RERG: variants seen among roughly 807,000 people sequenced by gnomAD.
RERG encodes RAS like estrogen regulated growth inhibitor.
Under a neutral mutation model 23.2 loss-of-function variants are expected in RERG, and 25 were observed. The ratio of observed to expected loss-of-function variants is 1.08; its 90% CI spans 0.79 to 1.50. The LOEUF (loss-of-function observed/expected upper bound fraction) is 1.50. RERG is among the 40% of genes most tolerant of loss of function. The pLI is 0.00. For missense variants in RERG, 253 were observed against 250.1 expected, an observed-to-expected ratio of 1.01 and a Z score of -0.08; for synonymous variants, 81 against 89.1, an observed-to-expected ratio of 0.91 and a Z score of 0.51.
intron 2 of RERG, among the ~76,000 whole-genome samples, chr12:15,213,821 T>C (rs1036151945): frequency 2.0e-5 from 3 of 152,260 alleles, no homozygotes; most frequent in African/African-American, 7.2e-5. Context: ...ATCTGCCACA[T>C]ACCAGAAGCA....
chr12:15,155,784 A>T (rs901525434), intron 2 of RERG, among the ~76,000 whole-genome samples: 6 of 152,118 alleles, frequency 3.9e-5, no homozygotes, highest in Admixed American at 3.9e-4. Context: ...GCTACCATGA[A>T]GTTTATATTA....
intron 2 of RERG, among the ~76,000 whole-genome samples, chr12:15,202,062 T>C (rs1281098962): frequency 6.6e-6 from 1 of 151,834 alleles, no homozygotes; most frequent in Non-Finnish European, 1.5e-5. Flanking sequence ...CCTATCCCGT[T>C]CTTTCATTAC....
chr12:15,215,424 A>C (rs1367227056), intron 2 of RERG, among the ~76,000 whole-genome samples: 1 of 152,186 alleles, frequency 6.6e-6, no homozygotes, highest in Non-Finnish European at 1.5e-5. Context: ...GCAAAGCCAA[A>C]GAGTGTGATG....
chr12:15,173,451 G>A (rs544535396), intron 2 of RERG, among the ~76,000 whole-genome samples: 1 of 151,944 alleles, frequency 6.6e-6, no homozygotes, highest in South Asian at 2.1e-4. Flanking sequence ...CCTATTCTGG[G>A]TCTATTGCAT....
intron 2 of RERG, among the ~76,000 whole-genome samples, chr12:15,135,145 T>A (rs4575328): frequency 6.6e-6 from 1 of 151,984 alleles, no homozygotes; most frequent in Non-Finnish European, 1.5e-5. Context: ...GTCTCGCACA[T>A]ATTGTTAGAT....
intron 2 of RERG, among the ~76,000 whole-genome samples, chr12:15,148,184 A>T (rs1426221278): frequency 1.3e-5 from 2 of 152,208 alleles, no homozygotes; most frequent in Non-Finnish European, 2.9e-5. Context: ...CCAGAGAGAG[A>T]AAACATCCAA....
rs937938936 is a variant in RERG at position 15,108,465 on chromosome 12, A to G, written c.*645T>C. 1 of 152,628 alleles carries G rather than the reference A, an allele frequency of 6.6e-6. No homozygotes were observed. Among genetic ancestry groups the G allele is most frequent in the African/African-American group, 2.4e-5 (1 of 41,460 alleles). 9.5% of individuals were successfully genotyped at this position (152,628 alleles called of 1,614,324 possible). On this transcript the variant is annotated 3_prime_UTR_variant, in exon 5 of 5. Coordinates refer to ENST00000256953, the MANE Select transcript of RERG (RefSeq NM_032918.3). ...TTTGTTATAGGGAAAATATTGTTTGAGCCAAGGAAGGAGAGTTAGGGTGTA... is the reference window on the plus strand; with the variant it reads ...TTTGTTATAGGGAAAATATTGTTTGGGCCAAGGAAGGAGAGTTAGGGTGTA...
Position 15,109,453 on chromosome 12 carries a change from A to G in RERG, c.257T>C (p.Ile86Thr), listed in dbSNP as rs1565503342. Residue 86 changes from isoleucine (I) to threonine (T), a missense_variant, in exon 5 of 5, where the codon ATT (isoleucine) becomes ACT (threonine). Physicochemically the swap from Ile to Thr is moderately conservative, Grantham distance 89. Coordinates refer to ENST00000256953, the MANE Select transcript of RERG (RefSeq NM_032918.3). ...WGEGFVLVYD[I>T]TDRGSFEEVL... Reference sequence around the variant, plus strand: ...TTCCTCAAAACTTCCTCGGTCAGTAATGTCGTAGACCAGCACAAAGCCTTC... The same window carrying G: ...TTCCTCAAAACTTCCTCGGTCAGTAGTGTCGTAGACCAGCACAAAGCCTTC... 2 of 1,613,974 alleles carry G rather than the reference A, an allele frequency of 1.2e-6. No homozygotes were observed. Among genetic ancestry groups the G allele is most frequent in the Non-Finnish European group, 1.7e-6 (2 of 1,179,934 alleles).
At chr12:15,128,980 C>T (rs1173779622) in intron 2 of RERG, among the ~76,000 whole-genome samples, 1 of 152,178 alleles carries the variant, frequency 6.6e-6, no homozygotes, top group African/African-American at 2.4e-5. Context: ...TTACAGCAGT[C>T]CTTACTCTCT....
At chr12:15,110,463 CTTTTTTTTTTTTTTTT>C (rs869218147) in intron 4 of RERG, among the ~76,000 whole-genome samples, 5 of 73,082 alleles carry the variant, frequency 6.8e-5, no homozygotes, top group African/African-American at 1.2e-4. Context: ...CCATTTTTTT[CTTTTTTTTTTTTTTTT>C]TTTTTTTTTT....
intron 2 of RERG, among the ~76,000 whole-genome samples, chr12:15,211,284 TACACACACACACACACACACACACACAC>T (rs56263472): frequency 7.0e-6 from 1 of 142,776 alleles, no homozygotes; most frequent in Non-Finnish European, 1.5e-5. Context: ...TGTCATTTTA[TACACACACACACACACACACACACACAC>T]ACACACACAC....
At chr12:15,113,866 C>T (rs1411651034) in intron 3 of RERG, among the ~76,000 whole-genome samples, 2 of 151,820 alleles carry the variant, frequency 1.3e-5, no homozygotes, top group Admixed American at 1.3e-4. Flanking sequence ...TTGAGACGCT[C>T]AAGAAACTTA....
At chr12:15,156,947 T>C (rs899966214) in intron 2 of RERG, among the ~76,000 whole-genome samples, 1 of 152,162 alleles carries the variant, frequency 6.6e-6, no homozygotes, top group African/African-American at 2.4e-5. Context: ...AACGAGGTAA[T>C]ACATGATAAC....
chr12:15,161,139 A>AAAGAAAG (rs1359539210), intron 2 of RERG, among the ~76,000 whole-genome samples: 14 of 32,976 alleles, frequency 4.2e-4, no homozygotes, highest in Non-Finnish European at 1.2e-4. Flanking sequence ...CATCTCAGAA[A>AAAGAAAG]AAGAAAGAAA....
intron 2 of RERG, among the ~76,000 whole-genome samples, chr12:15,153,821 G>A (rs554209341): frequency 6.6e-6 from 1 of 152,248 alleles, no homozygotes; most frequent in Admixed American, 6.5e-5. Flanking sequence ...TAGTATCTGT[G>A]AATGTGACCT....
intron 2 of RERG, among the ~76,000 whole-genome samples, chr12:15,164,407 T>C (rs2136116427): frequency 6.6e-6 from 1 of 152,338 alleles, no homozygotes; most frequent in South Asian, 2.1e-4. Flanking sequence ...TGACAGCCTG[T>C]GAAGCTCATT....
chr12:15,195,551 C>CTGTGTGTGTGTGTGTGTG (rs71042238), intron 2 of RERG, among the ~76,000 whole-genome samples: 5 of 128,226 alleles, frequency 3.9e-5, no homozygotes, highest in African/African-American at 1.5e-4. Context: ...GCAAGCTTGG[C>CTGTGTGTGTGTGTGTGTG]TGTGTGTGTG....
chr12:15,205,587 G>C (rs1865272652), intron 2 of RERG, among the ~76,000 whole-genome samples: 1 of 152,040 alleles, frequency 6.6e-6, no homozygotes, highest in South Asian at 2.1e-4. Flanking sequence ...CTAGGAAGCT[G>C]GCTCAGTTGT....
At chr12:15,196,539 C>A (rs1247717701) in intron 2 of RERG, among the ~76,000 whole-genome samples, 1 of 152,248 alleles carries the variant, frequency 6.6e-6, no homozygotes, top group African/African-American at 2.4e-5. Context: ...TCAATCAGGT[C>A]CTCAGCTCCC....
Sources: gnomAD v4.1 joint callset for allele counts (sites outside exome capture counted in the v4.1 genomes callset) on GRCh38, gnomAD v4.1.1 for gene constraint, MANE v1.5 for transcripts, NCBI Gene and HGNC (gene_info 2026-07-23, HGNC 2026-07-21) for gene names.